Variants in SHMT1 observed in about 807,000 individuals in gnomAD.
SHMT1 encodes serine hydroxymethyltransferase, cytosolic.
In SHMT1, 45 loss-of-function variants were observed where a neutral mutation model predicts 49.0. That is an observed-to-expected ratio of 0.92 (90% CI 0.72 to 1.18). The LOEUF is 1.18. SHMT1 is among the 50% of genes most tolerant of loss of function. The pLI is 0.00. For missense variants in SHMT1, 541 were observed against 612.4 expected, an observed-to-expected ratio of 0.88 and a Z score of 1.23; for synonymous variants, 232 against 246.6, an observed-to-expected ratio of 0.94 and a Z score of 0.55.
intron 9 of SHMT1, 162 bp downstream of exon 9, chr17:18,333,004 G>A (rs756016548): frequency 9.4e-6 from 8 of 853,222 alleles, no homozygotes; most frequent in Middle Eastern, 2.1e-4. Flanking sequence ...TGAGGCAGGG[G>A]GAGGCTTTCC....
intron 1 of SHMT1, among the ~76,000 whole-genome samples, chr17:18,361,850 G>A (rs1423693106): frequency 6.6e-6 from 1 of 152,076 alleles, no homozygotes; most frequent in Non-Finnish European, 1.5e-5. Context: ...GTAATACCTG[G>A]TAAGTCCCCC....
At chr17:18,354,778 G>T (rs967200529) in intron 2 of SHMT1, among the ~76,000 whole-genome samples, 1 of 151,134 alleles carries the variant, frequency 6.6e-6, no homozygotes, top group South Asian at 2.1e-4. Flanking sequence ...GGTGGCTCAC[G>T]CCTGTAATCC....
intron 9 of SHMT1, chr17:18,331,321 G>A (rs1983183723): frequency 6.2e-6 from 1 of 160,454 alleles, no homozygotes; most frequent in Non-Finnish European, 1.4e-5. Flanking sequence ...AGATGCGGGT[G>A]AGCTAGGGCT....
At chr17:18,356,291 G>A (rs939332030) in intron 1 of SHMT1, among the ~76,000 whole-genome samples, 12 of 152,062 alleles carry the variant, frequency 7.9e-5, no homozygotes, top group South Asian at 4.1e-4. Flanking sequence ...ATCCGCCCAC[G>A]TTGGCTTCCC....
rs1984443319 is a variant in SHMT1 at position 18,340,973 on chromosome 17, C to T, written c.520-160G>A. ...GATGGATACTGGTGTGTTCAGCCTG[C>T]TCAACCAAGTATGGCTCACAGACCC... On this transcript the variant is annotated intron_variant, in intron 5 of 11. Transcript: ENST00000316694. This position sits in a 1 kb window ranked among gnomAD's most constrained non-coding sequence, Gnocchi z 4.5. 3 of 668,896 alleles carry T rather than the reference C, an allele frequency of 4.5e-6. No homozygotes were observed. Among genetic ancestry groups the T allele is most frequent in the South Asian group, 3.3e-5 (2 of 61,046 alleles). The allele number at this position is 668,896 out of a possible 1,614,324, so 41.4% of individuals were successfully genotyped here. A position where few individuals can be genotyped will look rare whatever the true frequency, so the allele number is the denominator to read the frequency against.
intron 7 of SHMT1, among the ~76,000 whole-genome samples, chr17:18,335,992 G>C (rs1983746800): frequency 6.6e-6 from 1 of 152,122 alleles, no homozygotes. Context: ...AAAAATGAAA[G>C]GACAGGCTGG....
chr17:18,333,064 T>TGCAGCA (rs1040905612), intron 9 of SHMT1, 102 bp downstream of exon 9: 3 of 1,447,400 alleles, frequency 2.1e-6, no homozygotes, highest in Admixed American at 3.4e-5. Flanking sequence ...TCATTGCAGC[T>TGCAGCA]GCAGCAGCAG....
rs759412459 is a variant in SHMT1, at chr17:18,353,811, T to C, written c.103A>G (p.Asn35Asp). Residue 35 changes from asparagine (N) to aspartate (D), a missense_variant, in exon 3 of 12, where the codon AAC becomes GAC. Asn to Asp is a conservative substitution (Grantham distance 23). Coordinates refer to ENST00000316694, the MANE Select transcript of SHMT1 (RefSeq NM_004169.5). ...PLKDSDVEVYNIIKKESNRQR... is the reference protein window; with the variant it reads ...PLKDSDVEVYDIIKKESNRQR... The stretch of plus-strand genomic sequence containing the variant: ...CGGTTACTCTCCTTCTTAATGATGT[T>C]GTAAACCTTATGAGAAGAAAACAGA... The C allele has an allele frequency of 1.2e-6, 2 of 1,614,202 alleles. No individual in the cohort carries two copies. Among genetic ancestry groups the C allele is most frequent in the Non-Finnish European group, 1.7e-6 (2 of 1,180,002 alleles).
intron 8 of SHMT1, among the ~76,000 whole-genome samples, chr17:18,335,225 A>G (rs1983657790): frequency 6.6e-6 from 1 of 152,226 alleles, no homozygotes; most frequent in Non-Finnish European, 1.5e-5. Context: ...AAGGGGACTC[A>G]TCCTGCAGGG....
intron 5 of SHMT1, among the ~76,000 whole-genome samples, chr17:18,343,324 G>T (rs1366174842): frequency 6.6e-6 from 1 of 151,500 alleles, no homozygotes; most frequent in Non-Finnish European, 1.5e-5. Flanking sequence ...AAACATATGG[G>T]TCAGCCAGGC....
chr17:18,346,121 A>G (rs1019766555), intron 5 of SHMT1, among the ~76,000 whole-genome samples: 1 of 152,220 alleles, frequency 6.6e-6, no homozygotes, highest in Non-Finnish European at 1.5e-5. Flanking sequence ...GCACACGTGC[A>G]ATCACCAGCA....
chr17:18,352,788 T>C (rs1186492977), intron 3 of SHMT1, among the ~76,000 whole-genome samples: 1 of 150,078 alleles, frequency 6.7e-6, no homozygotes, highest in Non-Finnish European at 1.5e-5. Context: ...CCACTGCACT[T>C]CAGCCTGGGT....
At chr17:18,334,905 C>T (rs1248030445) in intron 8 of SHMT1, among the ~76,000 whole-genome samples, 2 of 152,200 alleles carry the variant, frequency 1.3e-5, no homozygotes, top group Non-Finnish European at 2.9e-5. Context: ...CCTAATATCT[C>T]CCAATCGCTG....
chr17:18,356,558 ACTCCT>A (rs1357052489), intron 1 of SHMT1, among the ~76,000 whole-genome samples: 1 of 143,230 alleles, frequency 7.0e-6, no homozygotes, highest in Non-Finnish European at 1.5e-5. Flanking sequence ...CTGGTCTTGA[ACTCCT>A]CTCAAGTGAT....
At chr17:18,361,315 A>C (rs1404322516) in intron 1 of SHMT1, among the ~76,000 whole-genome samples, 1 of 149,310 alleles carries the variant, frequency 6.7e-6, no homozygotes, top group Non-Finnish European at 1.5e-5. Context: ...AAAAAAAAAA[A>C]CAAAAACAAA....
At chr17:18,337,416 G>A (rs1351988291) in intron 7 of SHMT1, among the ~76,000 whole-genome samples, 4 of 152,168 alleles carry the variant, frequency 2.6e-5, no homozygotes, top group Admixed American at 6.5e-5. Context: ...AGCTAAAAAC[G>A]GTCCTTGGAG....
At chr17:18,330,937 G>C (rs1983143800) in intron 9 of SHMT1, 2 of 474,488 alleles carry the variant, frequency 4.2e-6, no homozygotes, top group Non-Finnish European at 3.9e-6. Context: ...GCTTCCTCAG[G>C]CTGCTCCTGG....
chr17:18,330,858 AC>A (rs1983135605), intron 9 of SHMT1, 187 bp from the exon 10 acceptor site: 1 of 651,504 alleles, frequency 1.5e-6, no homozygotes. Flanking sequence ...GAAAGGAAGG[AC>A]AGAGCACTTT....
At chr17:18,352,445 C>G (rs372939847) in intron 3 of SHMT1, among the ~76,000 whole-genome samples, 1 of 152,112 alleles carries the variant, frequency 6.6e-6, no homozygotes. Flanking sequence ...CGCGCCCGGT[C>G]CCCCTTCTTA....
Sources: allele counts gnomAD v4.1 joint callset (sites outside exome capture counted in the v4.1 genomes callset), GRCh38; gene constraint gnomAD v4.1.1; non-coding constraint Gnocchi (gnomAD v3.1); transcripts MANE v1.5; gene names NCBI Gene and HGNC (gene_info 2026-07-23, HGNC 2026-07-21).